Variants in ELAVL4 observed in about 807,000 individuals in gnomAD.
The protein encoded by ELAVL4 is ELAV like RNA binding protein 4, also known as ELAV-like protein 4.
Under a neutral mutation model 35.6 loss-of-function variants are expected in ELAVL4, and 1 was observed. The ratio of observed to expected loss-of-function variants is 0.03; its 90% CI spans 0.01 to 0.13. The LOEUF (loss-of-function observed/expected upper bound fraction) is 0.13, where lower values mean the gene tolerates loss of function less well. ELAVL4 is among the 10% of genes least tolerant of loss of function. The probability of loss-of-function intolerance (pLI) is 1.00; values close to 1 mark genes in which losing one functional copy is unlikely to be tolerated. For synonymous variants in ELAVL4, 156 were observed against 171.0 expected, an observed-to-expected ratio of 0.91 and a Z score of 0.69; for missense variants, 267 against 464.9, an observed-to-expected ratio of 0.57 and a Z score of 3.91.
intron 1 of ELAVL4, among the ~76,000 whole-genome samples, chr1:50,118,019 A>G (rs1668250528): frequency 6.6e-6 from 1 of 152,146 alleles, no homozygotes; most frequent in Non-Finnish European, 1.5e-5. Flanking sequence ...AACGATGAAG[A>G]TAAAATTAAT....
At chr1:50,139,116 T>G (rs1572358598) in intron 1 of ELAVL4, among the ~76,000 whole-genome samples, 1 of 152,206 alleles carries the variant, frequency 6.6e-6, no homozygotes, top group Non-Finnish European at 1.5e-5. Context: ...GTTCTTTTGT[T>G]ATCTGTAAAA....
At chr1:50,054,331 T>G (rs1469179221) in intron 1 of ELAVL4, among the ~76,000 whole-genome samples, 1 of 152,198 alleles carries the variant, frequency 6.6e-6, no homozygotes, top group Non-Finnish European at 1.5e-5. Context: ...GAAAACAACC[T>G]GGTAGATGCT....
intron 1 of ELAVL4, among the ~76,000 whole-genome samples, chr1:50,055,468 T>A (rs1663610899): frequency 1.3e-5 from 2 of 151,694 alleles, no homozygotes; most frequent in African/African-American, 4.8e-5. Flanking sequence ...CCCAGCTAAT[T>A]TTTTGTATTT....
intron 2 of ELAVL4, among the ~76,000 whole-genome samples, chr1:50,170,074 G>C (rs1678710478): frequency 6.6e-6 from 1 of 152,136 alleles, no homozygotes; most frequent in South Asian, 2.1e-4. Flanking sequence ...TAAAAGAAAG[G>C]CATCAGAAGC....
chr1:50,138,548 C>T lies in ELAVL4; in HGVS notation c.10-6409C>T, dbSNP rs375150548. ...GATCTCGGCTCACTGCAACCACCGC[C>T]TTCCAGGTTCAAGTGATTCTCCTGC... is the stretch of plus-strand genomic sequence containing the variant. On this transcript the variant is annotated intron_variant, in intron 1 of 6. Transcript: ENST00000371824. Among the ~76,000 whole-genome samples the T allele has an allele frequency of 7.4e-4, 113 of 152,182 alleles. 1 individual carries two copies. Among genetic ancestry groups the T allele is most frequent in the African/African-American group, 2.7e-3 (112 of 41,532 alleles).
chr1:50,160,456 C>G (rs1676601803), intron 2 of ELAVL4, among the ~76,000 whole-genome samples: 1 of 151,892 alleles, frequency 6.6e-6, no homozygotes, highest in African/African-American at 2.4e-5. Context: ...GAATTTCTTT[C>G]TTTTTAAACA....
intron 1 of ELAVL4, among the ~76,000 whole-genome samples, chr1:50,120,055 C>G (rs889353812): frequency 9.4e-5 from 12 of 127,658 alleles, no homozygotes; most frequent in Non-Finnish European, 1.7e-4. Flanking sequence ...GTTGGAGAAT[C>G]AACAAATATA....
intron 2 of ELAVL4, among the ~76,000 whole-genome samples, chr1:50,149,354 C>A (rs1036499421): frequency 6.6e-6 from 1 of 150,748 alleles, no homozygotes; most frequent in Non-Finnish European, 1.5e-5. Context: ...GCTGAGATTG[C>A]GCTCCAGCCT....
intron 1 of ELAVL4, chr1:50,115,114 C>T (rs1028768765): frequency 6.6e-6 from 1 of 152,026 alleles, no homozygotes; most frequent in Admixed American, 6.6e-5. Context: ...CTCTCCACCC[C>T]ACCCTTGAGA....
chr1:50,090,714 A>G (rs1665453650), intron 1 of ELAVL4, among the ~76,000 whole-genome samples: 1 of 152,164 alleles, frequency 6.6e-6, no homozygotes, highest in African/African-American at 2.4e-5. Flanking sequence ...GCAAAGGAAG[A>G]GAGAGAGTGA....
intron 1 of ELAVL4, among the ~76,000 whole-genome samples, chr1:50,135,857 C>A (rs970666860): frequency 1.3e-5 from 2 of 152,094 alleles, no homozygotes; most frequent in Non-Finnish European, 2.9e-5. Flanking sequence ...TAGCCACAGT[C>A]CCCTAGTCCA....
At chr1:50,123,427 A>T (rs1669353162) in intron 1 of ELAVL4, among the ~76,000 whole-genome samples, 2 of 152,062 alleles carry the variant, frequency 1.3e-5, no homozygotes, top group Non-Finnish European at 2.9e-5. Context: ...AGTGCTAAAA[A>T]TACCTGTGAT....
chr1:50,113,656 C>T (rs1667459957), intron 1 of ELAVL4, among the ~76,000 whole-genome samples: 1 of 152,040 alleles, frequency 6.6e-6, no homozygotes, highest in Non-Finnish European at 1.5e-5. Context: ...TAGGAAGGGA[C>T]ATGAACATTT....
chr1:50,135,783 T>C (rs1671781255), intron 1 of ELAVL4, among the ~76,000 whole-genome samples: 1 of 152,180 alleles, frequency 6.6e-6, no homozygotes, highest in South Asian at 2.1e-4. Context: ...GTTTTCTAGT[T>C]ACCTTCTGGC....
intron 1 of ELAVL4, among the ~76,000 whole-genome samples, chr1:50,112,112 T>G (rs1321626771): frequency 6.6e-6 from 1 of 152,130 alleles, no homozygotes; most frequent in Non-Finnish European, 1.5e-5. Context: ...GTCTTTTTGT[T>G]TTCTCTTCTT....
chr1:50,080,558 G>A (rs1477867570), intron 1 of ELAVL4, among the ~76,000 whole-genome samples: 1 of 152,058 alleles, frequency 6.6e-6, no homozygotes, highest in Non-Finnish European at 1.5e-5. Flanking sequence ...TCATTTCCCT[G>A]ATGAAATATC....
chr1:50,100,506 G>A (rs1358297225), upstream of ELAVL4, among the ~76,000 whole-genome samples: 1 of 152,024 alleles, frequency 6.6e-6, no homozygotes, highest in Non-Finnish European at 1.5e-5. Context: ...ATCATTCTTT[G>A]GATCTCGCCT....
intron 2 of ELAVL4, chr1:50,174,454 C>T (rs903200987): frequency 2.6e-5 from 4 of 151,452 alleles, no homozygotes; most frequent in African/African-American, 9.7e-5. Context: ...TTTTCCTCTT[C>T]CTTTCTGAAA....
chr1:50,081,393 T>G (rs1361428455), intron 1 of ELAVL4, among the ~76,000 whole-genome samples: 1 of 152,198 alleles, frequency 6.6e-6, no homozygotes, highest in East Asian at 1.9e-4. Context: ...GTGGATGAAG[T>G]GCTAGATGCA....
Sources: allele counts gnomAD v4.1 joint callset (sites outside exome capture counted in the v4.1 genomes callset), GRCh38; gene constraint gnomAD v4.1.1; transcripts MANE v1.5; gene names NCBI Gene and HGNC (gene_info 2026-07-23, HGNC 2026-07-21).